Variants in SV2C observed in about 807,000 individuals in gnomAD.
SV2C encodes solute carrier family 22 member B3.
Under a neutral mutation model 79.7 loss-of-function variants are expected in SV2C, and 49 were observed. That is an observed-to-expected ratio of 0.61 (90% CI 0.49 to 0.78). SV2C has a LOEUF of 0.78. Ranked by LOEUF, SV2C falls within the 30% of genes least tolerant of loss-of-function variation. The pLI is 0.00. For synonymous variants in SV2C, 334 were observed against 333.2 expected, an observed-to-expected ratio of 1.00 and a Z score of -0.03; for missense variants, 833 against 912.9, an observed-to-expected ratio of 0.91 and a Z score of 1.13.
At chr5:76,217,854 A>G (rs1744949681) in intron 4 of SV2C, among the ~76,000 whole-genome samples, 1 of 152,118 alleles carries the variant, frequency 6.6e-6, no homozygotes, top group Non-Finnish European at 1.5e-5. Context: ...AGAATCCTCC[A>G]TTTTTCTGTT....
chr5:75,971,125 C>G, the SV2C span, among the ~76,000 whole-genome samples: 8 of 152,100 alleles, frequency 5.3e-5, no homozygotes, highest in East Asian at 1.9e-4. Flanking sequence ...AATTCAACAA[C>G]GCTTCATGCT....
At chr5:76,306,879 C>T (rs942280520) in intron 12 of SV2C, among the ~76,000 whole-genome samples, 5 of 152,060 alleles carry the variant, frequency 3.3e-5, no homozygotes, top group African/African-American at 1.2e-4. Context: ...TCAGAGAAGA[C>T]AATATTTAAA....
the SV2C span, among the ~76,000 whole-genome samples, chr5:75,902,776 A>T: frequency 6.6e-6 from 1 of 152,232 alleles, no homozygotes; most frequent in Non-Finnish European, 1.5e-5. Context: ...AAAGTTGATC[A>T]ACTAAAATAG....
At chr5:76,294,612 A>G (rs1747679665) in intron 8 of SV2C, among the ~76,000 whole-genome samples, 1 of 152,220 alleles carries the variant, frequency 6.6e-6, no homozygotes, top group Admixed American at 6.5e-5. Flanking sequence ...TATGATCAGT[A>G]TAAAAATTAT....
chr5:75,935,742 A>G, the SV2C span, among the ~76,000 whole-genome samples: 1 of 152,192 alleles, frequency 6.6e-6, no homozygotes, highest in East Asian at 1.9e-4. Flanking sequence ...AGAGGCATGC[A>G]ACAGATCAGA....
intron 4 of SV2C, among the ~76,000 whole-genome samples, chr5:76,248,849 C>T (rs948534509): frequency 5.9e-5 from 9 of 152,110 alleles, no homozygotes; most frequent in African/African-American, 7.2e-5. Flanking sequence ...GAACTCCTGA[C>T]CTCAAGTGAT....
intron 4 of SV2C, among the ~76,000 whole-genome samples, chr5:76,265,540 A>G (rs182197537): frequency 8.5e-5 from 13 of 152,324 alleles, no homozygotes; most frequent in Non-Finnish European, 2.9e-5. Context: ...ATACTCCTAC[A>G]GCTAGCTTGG....
chr5:76,242,417 T>G lies in SV2C; in HGVS notation c.913+32530T>G, dbSNP rs1745817747. The G allele has an allele frequency of 5.8e-5, 38 of 650,292 alleles. 1 individual carries two copies. Among genetic ancestry groups the G allele is most frequent in the South Asian group, 5.0e-4 (34 of 67,360 alleles). The allele number at this position is 650,292 out of a possible 1,614,324, so 40.3% of individuals were successfully genotyped here. On this transcript the variant is annotated intron_variant, in intron 4 of 12. Transcript: ENST00000502798. The stretch of plus-strand genomic sequence containing the variant: ...TCACACTGCTCCGGTCTCAATCTCT[T>G]GACCTCATGATCTGCCCACCTCGGC...
At chr5:76,309,313 G>T (rs1748322001) in intron 12 of SV2C, among the ~76,000 whole-genome samples, 1 of 152,028 alleles carries the variant, frequency 6.6e-6, no homozygotes, top group African/African-American at 2.4e-5. Flanking sequence ...TAAGTTGTAG[G>T]TTGGAGGCCG....
chr5:75,929,966 C>T, the SV2C span, among the ~76,000 whole-genome samples: 1 of 152,142 alleles, frequency 6.6e-6, no homozygotes, highest in Admixed American at 6.5e-5. Flanking sequence ...GTTGTACCTA[C>T]AAAAATAAAT....
chr5:75,970,865 C>T, the SV2C span, among the ~76,000 whole-genome samples: 2 of 152,004 alleles, frequency 1.3e-5, no homozygotes, highest in Admixed American at 1.3e-4. Context: ...GGCAGAGACA[C>T]AACCAAAAAA....
At chr5:76,069,455 T>C in the SV2C span, among the ~76,000 whole-genome samples, 1 of 152,202 alleles carries the variant, frequency 6.6e-6, no homozygotes, top group Non-Finnish European at 1.5e-5. Context: ...TGCTGCCCTG[T>C]AGTGTAGGTC....
At chr5:76,217,247 C>T (rs544428170) in intron 4 of SV2C, among the ~76,000 whole-genome samples, 4 of 152,306 alleles carry the variant, frequency 2.6e-5, no homozygotes, top group Admixed American at 2.6e-4. Flanking sequence ...CTTAAAAATA[C>T]ATATATTCCC....
chr5:76,287,157 T>C (rs1383369242), intron 6 of SV2C, among the ~76,000 whole-genome samples: 3 of 152,356 alleles, frequency 2.0e-5, no homozygotes, highest in Admixed American at 6.5e-5. Flanking sequence ...AGTTTATTCA[T>C]AGGCCTTATT....
chr5:76,344,634 G>A (rs1404102270), intron 12 of SV2C, among the ~76,000 whole-genome samples: 1 of 152,086 alleles, frequency 6.6e-6, no homozygotes, highest in African/African-American at 2.4e-5. Flanking sequence ...GCTTGAACCT[G>A]GGAGGCGGAG....
At chr5:76,191,181 A>G (rs4703698) in intron 2 of SV2C, among the ~76,000 whole-genome samples, 25,026 of 121,608 alleles carry the variant, frequency 0.21, 2,060 homozygotes, top group African/African-American at 0.34. Flanking sequence ...GAGAGAGAAG[A>G]GGGAGGTGCT....
chr5:76,186,915 C>T (rs947123544), intron 2 of SV2C, among the ~76,000 whole-genome samples: 3 of 152,160 alleles, frequency 2.0e-5, no homozygotes, highest in East Asian at 3.9e-4. Flanking sequence ...ATTATTTCCA[C>T]CTGGTACTGC....
chr5:75,884,186 G>A, the SV2C span, among the ~76,000 whole-genome samples: 2 of 152,214 alleles, frequency 1.3e-5, no homozygotes, highest in African/African-American at 4.8e-5. Context: ...ATCAACTTTT[G>A]AGAAACACCA....
At chr5:76,307,762 C>CT (rs1561309636) in intron 12 of SV2C, among the ~76,000 whole-genome samples, 1 of 152,174 alleles carries the variant, frequency 6.6e-6, no homozygotes, top group Non-Finnish European at 1.5e-5. Flanking sequence ...GTTCTTTCCT[C>CT]TGTCTCCTCC....
Sources: gnomAD v4.1 joint callset for allele counts (sites outside exome capture counted in the v4.1 genomes callset) on GRCh38, gnomAD v4.1.1 for gene constraint, MANE v1.5 for transcripts, NCBI Gene and HGNC (gene_info 2026-07-23, HGNC 2026-07-21) for gene names.